Variants in DMD observed in about 807,000 individuals in gnomAD.
The protein encoded by DMD is mutant dystrophin.
In DMD, 63 loss-of-function variants were observed where a neutral mutation model predicts 330.1. That is an observed-to-expected ratio of 0.19 (90% CI 0.16 to 0.24). DMD has a LOEUF of 0.24. Among genes scored for constraint, DMD ranks in the 10% least tolerant of loss-of-function variants. The pLI, the probability that DMD is intolerant of heterozygous loss-of-function variation, is 1.00. For missense variants in DMD, 3,344 were observed against 2,684.1 expected, an observed-to-expected ratio of 1.25 and a Z score of -5.43; for synonymous variants, 1,223 against 959.8, an observed-to-expected ratio of 1.27 and a Z score of -5.07.
At chrX:32,204,344 T>C (rs16990151) in intron 44 of DMD, among the ~76,000 whole-genome samples, 1,815 of 112,423 alleles carry the variant, frequency 0.016, 28 homozygotes, top group African/African-American at 0.055. Context: ...TCACATGAAG[T>C]CATATTCTTG....
chrX:31,860,081 A>G (rs763927050), intron 48 of DMD, among the ~76,000 whole-genome samples: 2 of 97,562 alleles, frequency 2.0e-5, no homozygotes, highest in African/African-American at 8.1e-5. Flanking sequence ...TGGGCAGAGC[A>G]GAGTTTTCTT....
In DMD at chrX:31,206,595, T is replaced by C. The variant is rs914674623; in HGVS notation, c.9636A>G (p.Glu3212=). 8.3e-7 allele frequency: 1 copy of C among 1,207,547 alleles called. No individual in the cohort carries two copies. Among genetic ancestry groups the C allele is most frequent in the Non-Finnish European group, 1.1e-6 (1 of 893,140 alleles). The change falls in exon 66 of 79, where the codon GAA becomes GAG. Residue 3212 remains glutamate, a synonymous_variant. Coordinates refer to ENST00000357033, the MANE Select transcript of DMD (RefSeq NM_004006.3). ...GIISLCKAHL[E]DKYRYLFKQV... ...TACACGACTTACATCTGTACTTGTC[T>C]TCCAAATGTGCTTTACACAGGGAAA...
At chrX:32,909,150 CAAAAA>C (rs36075436) in intron 2 of DMD, among the ~76,000 whole-genome samples, 1,909 of 68,186 alleles carry the variant, frequency 0.028, 31 homozygotes, top group African/African-American at 0.078. Context: ...TCTATATGAG[CAAAAA>C]AAAAAAAAAA....
chrX:32,213,468 A>ATG (rs1430762515), intron 44 of DMD, among the ~76,000 whole-genome samples: 1 of 111,933 alleles, frequency 8.9e-6, no homozygotes, highest in African/African-American at 3.2e-5. Context: ...ATATGTATTC[A>ATG]TGTGTGTGTG....
chrX:33,164,240 A>C, intron 1 of DMD, among the ~76,000 whole-genome samples: 1 of 111,853 alleles, frequency 8.9e-6, no homozygotes, highest in Middle Eastern at 4.7e-3. Context: ...GCTTGTGCCA[A>C]ATTCATCTGT....
intron 55 of DMD, among the ~76,000 whole-genome samples, chrX:31,530,633 G>C (rs1350727428): frequency 2.1e-5 from 2 of 94,654 alleles, no homozygotes; most frequent in African/African-American, 7.8e-5. Flanking sequence ...CTAGATAATA[G>C]AGCACTGGTT....
intron 56 of DMD, among the ~76,000 whole-genome samples, chrX:31,499,150 C>T (rs760524136): frequency 9.0e-6 from 1 of 111,713 alleles, no homozygotes; most frequent in East Asian, 2.8e-4. Flanking sequence ...AGAAAAGACA[C>T]TGATTAAATA....
chrX:33,026,352 GA>G lies in DMD; in HGVS notation c.32-6153del, dbSNP rs1335440162. On this transcript the variant is annotated intron_variant, in intron 1 of 78. Transcript: ENST00000357033. ...AAAAAAAAAAAAAAAAAAAAAGAAA[GA>G]AAAGAAAATAAAGAACTATGAAGTA... Among the ~76,000 whole-genome samples the G allele has an allele frequency of 6.6e-3, 426 of 64,975 alleles. 5 individuals are homozygous for G. Among genetic ancestry groups the G allele is most frequent in the African/African-American group, 0.022 (398 of 17,775 alleles). The allele number at this position is 64,975 out of a possible 115,157, so 56.4% of individuals were successfully genotyped here.
intron 44 of DMD, among the ~76,000 whole-genome samples, chrX:31,974,480 C>A (rs2095421863): frequency 9.1e-6 from 1 of 110,048 alleles, no homozygotes; most frequent in African/African-American, 3.3e-5. Flanking sequence ...TAAAATGCAC[C>A]TTTTTAGCCT....
At chrX:32,299,990 G>A (rs1468192325) in intron 42 of DMD, among the ~76,000 whole-genome samples, 1 of 111,193 alleles carries the variant, frequency 9.0e-6, no homozygotes, top group African/African-American at 3.3e-5. Context: ...TGTCCTTAAT[G>A]TCTTTATTAC....
intron 43 of DMD, among the ~76,000 whole-genome samples, chrX:32,251,096 G>A (rs6653581): frequency 0.021 from 2,318 of 109,754 alleles, 51 homozygotes; most frequent in African/African-American, 0.073. Context: ...TGTAGATGAC[G>A]GGTTGATGGG....
Position 32,365,155 on chromosome X carries a change from A to T in DMD, c.4890T>A (p.Ser1630Arg), listed in dbSNP as rs1603631755. Reference sequence around the variant, plus strand: ...TCAAGGCCTCTCCTACCTCTGTGATACTCTTCAGGTGCACCTTCTGTTTCT... The same window carrying T: ...TCAAGGCCTCTCCTACCTCTGTGATTCTCTTCAGGTGCACCTTCTGTTTCT... ...EIEKQKVHLKSITEVGEALKT... is the reference protein window; with the variant it reads ...EIEKQKVHLKRITEVGEALKT... The change falls in exon 35 of 79, where the codon AGT becomes AGA. Residue 1630 changes from serine (S) to arginine (R), a missense_variant. Physicochemically the swap from Ser to Arg is moderately radical, Grantham distance 110. Coordinates refer to ENST00000357033, the MANE Select transcript of DMD (RefSeq NM_004006.3). 1.7e-6 allele frequency: 2 copies of T among 1,210,441 alleles called. No homozygotes were observed. The highest frequency in any genetic ancestry group is 4.4e-5 in the Admixed American group (2 of 45,845).
intron 30 of DMD, among the ~76,000 whole-genome samples, chrX:32,391,801 A>G (rs1447131717): frequency 1.8e-5 from 2 of 111,706 alleles, no homozygotes; most frequent in Non-Finnish European, 3.8e-5. Flanking sequence ...GGATGTCATA[A>G]GGGAGTTGAT....
At chrX:32,500,821 G>A (rs769999260) in intron 19 of DMD, among the ~76,000 whole-genome samples, 1 of 111,386 alleles carries the variant, frequency 9.0e-6, no homozygotes, top group African/African-American at 3.3e-5. Flanking sequence ...TGATTTTCTA[G>A]GAAGACCACT....
chrX:32,896,220 T>C (rs1019710309), intron 2 of DMD, among the ~76,000 whole-genome samples: 8 of 111,361 alleles, frequency 7.2e-5, no homozygotes, highest in African/African-American at 2.6e-4. Context: ...GTAGCCTGCT[T>C]AATTGGTATG....
At chrX:31,210,828 TAAGA>T (rs748775430) in intron 64 of DMD, among the ~76,000 whole-genome samples, 1 of 112,590 alleles carries the variant, frequency 8.9e-6, no homozygotes, top group African/African-American at 3.2e-5. Flanking sequence ...AATTAAATAT[TAAGA>T]AAAAAACAAA....
chrX:32,835,362 G>C (rs2079524975), intron 4 of DMD, among the ~76,000 whole-genome samples: 1 of 112,349 alleles, frequency 8.9e-6, no homozygotes, highest in Non-Finnish European at 1.9e-5. Context: ...AGCTGATGTA[G>C]AGACAAGAAT....
intron 2 of DMD, among the ~76,000 whole-genome samples, chrX:32,896,423 A>G (rs1305644838): frequency 8.9e-6 from 1 of 112,209 alleles, no homozygotes; most frequent in Non-Finnish European, 1.9e-5. Context: ...AAAATAAAGC[A>G]AAGAGTCACA....
At chrX:33,109,283 T>A (rs915642458) in intron 1 of DMD, among the ~76,000 whole-genome samples, 6 of 111,703 alleles carry the variant, frequency 5.4e-5, no homozygotes, top group Non-Finnish European at 7.5e-5. Context: ...AAGAGGATTA[T>A]TGGAAAAGTT....
Sources: gnomAD v4.1 joint callset for allele counts (sites outside exome capture counted in the v4.1 genomes callset) on GRCh38, gnomAD v4.1.1 for gene constraint, MANE v1.5 for transcripts, NCBI Gene and HGNC (gene_info 2026-07-23, HGNC 2026-07-21) for gene names.